PHF20: variants seen among roughly 807,000 people sequenced by gnomAD.
PHF20 encodes the protein glioma-expressed antigen 2.
PHF20 carries 23 observed loss-of-function variants against 113.5 expected under a neutral mutation model. The ratio of observed to expected loss-of-function variants is 0.20; its 90% confidence interval spans 0.15 to 0.29. PHF20 has a LOEUF of 0.29. PHF20 is among the 10% of genes least tolerant of loss of function. PHF20 has a pLI of 1.00. For missense variants in PHF20, 943 were observed against 1,219.6 expected (o/e 0.77, Z 3.38); for synonymous variants, 434 against 457.3 (o/e 0.95, Z 0.65).
At chr20:35,780,929 C>T (rs189101688) in intron 1 of PHF20, among the ~76,000 whole-genome samples, 1 of 147,126 alleles carries the variant, frequency 6.8e-6, no homozygotes, top group Admixed American at 6.9e-5. Context: ...TCTTGGCTCA[C>T]TGCAACCTCC....
chr20:35,853,751 T>G (rs1292519866), intron 4 of PHF20, among the ~76,000 whole-genome samples: 2 of 149,788 alleles, frequency 1.3e-5, no homozygotes, highest in Admixed American at 6.6e-5. Context: ...AAGACCCTAT[T>G]TCTTTCTTTT....
chr20:35,794,160 G>A (rs2041620849), intron 1 of PHF20, among the ~76,000 whole-genome samples: 1 of 151,786 alleles, frequency 6.6e-6, no homozygotes, highest in South Asian at 2.1e-4. Context: ...AATTAGCCAG[G>A]CGTGGTGGCA....
In PHF20 at chr20:35,930,497, A is replaced by C. The variant is rs954220216; in HGVS notation, c.2105-752A>C. Among the ~76,000 whole-genome samples, 4 of 151,810 alleles carry C rather than the reference A, an allele frequency of 2.6e-5. No individual in the cohort carries two copies. In the East Asian group the frequency reaches 7.7e-4, roughly 29 times the overall value. On this transcript the variant is annotated intron_variant, in intron 14 of 17. Transcript: ENST00000374012. Reference sequence around the variant, plus strand: ...TGGGCAACATGGCAAAACCCCATCAAAAAAAAATGAAAGAAAGAAAGAAAA... The same window carrying C: ...TGGGCAACATGGCAAAACCCCATCACAAAAAAATGAAAGAAAGAAAGAAAA...
intron 13 of PHF20, among the ~76,000 whole-genome samples, chr20:35,921,611 G>A (rs1222987850): frequency 1.3e-5 from 2 of 151,962 alleles, no homozygotes; most frequent in Non-Finnish European, 2.9e-5. Context: ...TTGAGCCTGG[G>A]AGTTCAAGGC....
At chr20:35,947,024 G>C (rs187449292) in intron 17 of PHF20, among the ~76,000 whole-genome samples, 2 of 152,316 alleles carry the variant, frequency 1.3e-5, no homozygotes, top group African/African-American at 4.8e-5. Flanking sequence ...GCTTTTTAAA[G>C]AGTGAGTGGT....
In PHF20 at chr20:35,947,503, A is replaced by G; in HGVS notation, c.2915A>G (p.Asp972Gly). Reference sequence around the variant, plus strand: ...CCGACAGTGTTGGAGAGCTGGCTGGACTACACTGGGGAACTGGAGCCCCCT... The same window carrying G: ...CCGACAGTGTTGGAGAGCTGGCTGGGCTACACTGGGGAACTGGAGCCCCCT... ...KELDVLESWL[D>G]YTGELEPPEP... The change falls in exon 18 of 18, where the codon GAC (aspartate) becomes GGC (glycine). Residue 972 changes from aspartate to glycine, a missense_variant. Coordinates refer to ENST00000374012, the MANE Select transcript of PHF20 (RefSeq NM_016436.5). 1 of 1,613,954 alleles carries G rather than the reference A, an allele frequency of 6.2e-7. No individual in the cohort carries two copies. Among genetic ancestry groups the G allele is most frequent in the Non-Finnish European group, 8.5e-7 (1 of 1,179,942 alleles).
At chr20:35,816,106 G>A (rs1196282053) in intron 2 of PHF20, among the ~76,000 whole-genome samples, 3 of 151,894 alleles carry the variant, frequency 2.0e-5, no homozygotes, top group African/African-American at 4.8e-5. Context: ...ACAGGCACGC[G>A]CCACCATGCC....
intron 10 of PHF20, among the ~76,000 whole-genome samples, chr20:35,912,652 T>C (rs2055328086): frequency 6.6e-6 from 1 of 152,004 alleles, no homozygotes; most frequent in African/African-American, 2.4e-5. Flanking sequence ...GCCGAAATAG[T>C]GAAACCCCAT....
chr20:35,942,862 T>C (rs531070002), intron 17 of PHF20, among the ~76,000 whole-genome samples: 2 of 152,184 alleles, frequency 1.3e-5, no homozygotes, highest in South Asian at 2.1e-4. Context: ...CTCGCTCTGT[T>C]GCCCGGGCTG....
At position 35,940,534 on chromosome 20, in the gene PHF20, G is replaced by A. The variant is rs145148286; in HGVS notation, c.2713-330G>A. Among the ~76,000 whole-genome samples the A allele has an allele frequency of 1.5e-3, 229 of 152,206 alleles. 2 individuals carry two copies. Among genetic ancestry groups the A allele is most frequent in the Non-Finnish European group, 2.2e-4 (15 of 68,026 alleles). On this transcript the variant is annotated intron_variant, in intron 16 of 17. Transcript: ENST00000374012. Reference sequence around the variant, plus strand: ...TGAAACGCGTTGGTGTGACTCCCGTGTACTAACCCTTGTCTGCACTAGCCC... The same window carrying A: ...TGAAACGCGTTGGTGTGACTCCCGTATACTAACCCTTGTCTGCACTAGCCC...
chr20:35,901,276 G>A lies in PHF20; in HGVS notation c.1561+1628G>A, dbSNP rs111392782. ...TTAAAAATACAAAAATTAGCCAGGC[G>A]TGGTGGCAGGTGCCTGTAATCCCAG... On this transcript the variant is annotated intron_variant, in intron 10 of 17. Coordinates refer to ENST00000374012, the MANE Select transcript of PHF20 (RefSeq NM_016436.5). Among the ~76,000 whole-genome samples, 497 of 151,996 alleles carry A rather than the reference G, an allele frequency of 3.3e-3. 2 individuals are homozygous for A. Among genetic ancestry groups the A allele is most frequent in the African/African-American group, 0.011 (440 of 41,464 alleles).
intron 2 of PHF20, among the ~76,000 whole-genome samples, chr20:35,839,892 A>G (rs553465383): frequency 2.3e-4 from 35 of 152,222 alleles, no homozygotes; most frequent in Non-Finnish European, 3.7e-4. Context: ...GACAGAATAC[A>G]TGACCTTTGG....
intron 15 of PHF20, among the ~76,000 whole-genome samples, chr20:35,933,688 C>T (rs367982482): frequency 2.6e-5 from 4 of 152,196 alleles, no homozygotes; most frequent in East Asian, 1.9e-4. Context: ...TGAGCCACTG[C>T]GCCTGGCCTA....
chr20:35,933,696 C>T (rs1201669358), intron 15 of PHF20, among the ~76,000 whole-genome samples: 3 of 152,112 alleles, frequency 2.0e-5, no homozygotes, highest in Non-Finnish European at 2.9e-5. Flanking sequence ...TGCGCCTGGC[C>T]TAATTTTTGT....
chr20:35,826,746 A>T (rs1343561030), intron 2 of PHF20, among the ~76,000 whole-genome samples: 1 of 152,140 alleles, frequency 6.6e-6, no homozygotes, highest in Non-Finnish European at 1.5e-5. Flanking sequence ...CTGTCATAAG[A>T]TATTTGCTGA....
At chr20:35,890,007 G>A (rs1049195216) in intron 9 of PHF20, among the ~76,000 whole-genome samples, 1 of 151,856 alleles carries the variant, frequency 6.6e-6, no homozygotes. Flanking sequence ...GGGATTACAG[G>A]CATGAGCCAC....
At position 35,891,277 on chromosome 20, in the gene PHF20, T is replaced by C. The variant is rs142030981; in HGVS notation, c.1283-8093T>C. On this transcript the variant is annotated intron_variant, in intron 9 of 17. Transcript: ENST00000374012. ...CTGTAATCCCAGCTACTTGGGAGGC[T>C]GAGGCAGAAGAATCGCTTGAACCCA... is the stretch of plus-strand genomic sequence containing the variant. 2.3e-3 allele frequency among the ~76,000 whole-genome samples: 351 copies of C among 150,980 alleles called. 1 individual carries two copies. Among genetic ancestry groups the C allele is most frequent in the African/African-American group, 8.0e-3 (329 of 41,018 alleles).
intron 5 of PHF20, among the ~76,000 whole-genome samples, chr20:35,862,645 G>A (rs2054237713): frequency 6.6e-6 from 1 of 152,070 alleles, no homozygotes; most frequent in Non-Finnish European, 1.5e-5. Flanking sequence ...GAGATGGGAG[G>A]ATCGCTTGGG....
chr20:35,901,189 T>C (rs1448256230), intron 10 of PHF20, among the ~76,000 whole-genome samples: 3 of 151,270 alleles, frequency 2.0e-5, no homozygotes, highest in Non-Finnish European at 4.4e-5. Flanking sequence ...CTTTGGGAGG[T>C]GGATCGCCTG....
Sources: allele counts gnomAD v4.1 joint callset (sites outside exome capture counted in the v4.1 genomes callset), GRCh38; gene constraint gnomAD v4.1.1; transcripts MANE v1.5; gene names NCBI Gene and HGNC (gene_info 2026-07-23, HGNC 2026-07-21).